Variants in TPD52 observed in about 807,000 individuals in gnomAD.
TPD52 encodes the protein prostate and colon associated protein.
Under a neutral mutation model 31.3 loss-of-function variants are expected in TPD52, and 17 were observed. The ratio of observed to expected loss-of-function variants is 0.54; its 90% confidence interval spans 0.37 to 0.82. TPD52 has a LOEUF of 0.82. Among genes scored for constraint, TPD52 ranks in the 40% least tolerant of loss-of-function variants. The pLI, the probability that TPD52 is intolerant of heterozygous loss-of-function variation, is 0.00. For missense variants in TPD52, 212 were observed against 240.1 expected (o/e 0.88, Z 0.77); for synonymous variants, 83 against 89.6 (o/e 0.93, Z 0.42).
intron 1 of TPD52, among the ~76,000 whole-genome samples, chr8:80,092,789 A>T (rs9969638): frequency 0.54 from 80,841 of 150,282 alleles, 21,772 homozygotes; most frequent in East Asian, 0.71. Flanking sequence ...AAAAAAAAAA[A>T]GATCACATAA....
intron 7 of TPD52, 75 bp downstream of exon 7, chr8:80,042,545 A>G (rs1810487900): frequency 6.5e-7 from 1 of 1,550,248 alleles, no homozygotes; most frequent in African/African-American, 1.4e-5. Context: ...ATTAATGTCA[A>G]TGATTTTCGC....
chr8:80,082,044 G>C (rs111348478), intron 1 of TPD52, among the ~76,000 whole-genome samples: 5,147 of 151,940 alleles, frequency 0.034, 263 homozygotes, highest in African/African-American at 0.12. Flanking sequence ...CTGACCTCAG[G>C]TGATCCGCCT....
chr8:80,071,056 A>C (rs73691142), intron 1 of TPD52, among the ~76,000 whole-genome samples: 146 of 152,346 alleles, frequency 9.6e-4, no homozygotes, highest in African/African-American at 3.4e-3. Flanking sequence ...ACATCACTAC[A>C]GAACAAGGAA....
intron 1 of TPD52, among the ~76,000 whole-genome samples, chr8:80,159,962 A>G (rs1563670300): frequency 6.6e-6 from 1 of 152,150 alleles, no homozygotes; most frequent in Admixed American, 6.6e-5. Flanking sequence ...AGGCCGAGGG[A>G]GGAGGATCAC....
intron 5 of TPD52, among the ~76,000 whole-genome samples, chr8:80,045,239 C>T (rs1810726132): frequency 6.6e-6 from 1 of 152,016 alleles, no homozygotes; most frequent in African/African-American, 2.4e-5. Flanking sequence ...TTGGATCTAT[C>T]AAAGTGTGCT....
At chr8:80,104,512 G>T (rs927099429) in intron 1 of TPD52, among the ~76,000 whole-genome samples, 4 of 151,660 alleles carry the variant, frequency 2.6e-5, no homozygotes, top group Admixed American at 1.3e-4. Context: ...ACTCTGGGAG[G>T]CTGAGGAGTT....
At chr8:80,093,950 T>TAC (rs57283025) in intron 1 of TPD52, among the ~76,000 whole-genome samples, 1 of 27,640 alleles carries the variant, frequency 3.6e-5, no homozygotes, top group African/African-American at 2.2e-4. Flanking sequence ...GCTTCAAAAC[T>TAC]TTCTTTGCCT....
intron 1 of TPD52, among the ~76,000 whole-genome samples, chr8:80,074,344 G>C (rs781363548): frequency 6.6e-6 from 1 of 152,208 alleles, no homozygotes; most frequent in Non-Finnish European, 1.5e-5. Context: ...TTTTCCCCAT[G>C]TTAAGTCTGT....
intron 1 of TPD52, among the ~76,000 whole-genome samples, chr8:80,105,511 T>C (rs1807038014): frequency 6.6e-6 from 1 of 152,066 alleles, no homozygotes; most frequent in African/African-American, 2.4e-5. Flanking sequence ...CCCTTAGAGT[T>C]GTAAGCCCTT....
chr8:80,046,675 G>C (rs906964740), intron 5 of TPD52, among the ~76,000 whole-genome samples: 2 of 151,906 alleles, frequency 1.3e-5, no homozygotes, highest in African/African-American at 4.8e-5. Context: ...CATCTTATTT[G>C]TAACCCCCAA....
At chr8:80,084,332 G>A (rs1815565930) in intron 1 of TPD52, among the ~76,000 whole-genome samples, 1 of 152,234 alleles carries the variant, frequency 6.6e-6, no homozygotes, top group African/African-American at 2.4e-5. Context: ...CTTGTTCACA[G>A]GGACTGGCCT....
At chr8:80,080,664 A>T in intron 1 of TPD52, 1 of 1,286,476 alleles carries the variant, frequency 7.8e-7, no homozygotes, top group Non-Finnish European at 9.8e-7. Context: ...TTAATAAATG[A>T]TTTATCCTGA....
At chr8:80,159,808 T>C (rs138372659) in intron 1 of TPD52, among the ~76,000 whole-genome samples, 1 of 152,354 alleles carries the variant, frequency 6.6e-6, no homozygotes, top group East Asian at 1.9e-4. Context: ...GAAGCTCTGT[T>C]ACTTCCGATT....
chr8:80,056,581 C>T (rs545499894), intron 2 of TPD52, among the ~76,000 whole-genome samples: 15 of 152,116 alleles, frequency 9.9e-5, no homozygotes, highest in African/African-American at 3.1e-4. Context: ...ATACAAATGA[C>T]CAATAAGCAC....
chr8:80,064,443 G>A, intron 2 of TPD52, 35 bp downstream of exon 2: 1 of 1,509,446 alleles, frequency 6.6e-7, no homozygotes, highest in South Asian at 1.1e-5. Flanking sequence ...CATTTTAAGT[G>A]CAAAAATAAA....
chr8:80,085,829 T>A (rs899097570), intron 1 of TPD52, among the ~76,000 whole-genome samples: 1 of 152,154 alleles, frequency 6.6e-6, no homozygotes, highest in Admixed American at 6.5e-5. Flanking sequence ...TCTCCACAGA[T>A]TAACTAGCTG....
chr8:80,045,753 G>T (rs1227404374), intron 5 of TPD52, among the ~76,000 whole-genome samples: 1 of 152,162 alleles, frequency 6.6e-6, no homozygotes, highest in African/African-American at 2.4e-5. Flanking sequence ...GTGGAGCCTG[G>T]CCTTGCTTTC....
Position 80,038,186 on chromosome 8 carries a change from A to C in TPD52, c.554T>G (p.Leu185Trp). The C allele has an allele frequency of 2.5e-6, 4 of 1,614,160 alleles. No individual in the cohort carries two copies. Among genetic ancestry groups the C allele is most frequent in the Non-Finnish European group, 2.5e-6 (3 of 1,180,004 alleles). ...KPAGGDFGEV[L>W]NSAANASATT... ...GGCACTAGCATTTGCAGCCGAATTCAAGACTTCTCCAAAATCACCACCAGC... is the reference window on the plus strand; with the variant it reads ...GGCACTAGCATTTGCAGCCGAATTCCAGACTTCTCCAAAATCACCACCAGC... The change falls in exon 8 of 8, where the codon TTG becomes TGG. Residue 185 changes from leucine to tryptophan, a missense_variant. By Grantham distance (61) the Leu-to-Trp change is moderately conservative. Coordinates refer to ENST00000518937, the MANE Select transcript of TPD52 (RefSeq NM_001025253.3).
chr8:80,131,494 T>C (rs183830058), intron 1 of TPD52, among the ~76,000 whole-genome samples: 34 of 152,264 alleles, frequency 2.2e-4, no homozygotes, highest in Non-Finnish European at 4.0e-4. Flanking sequence ...TGTCTTCCAA[T>C]CCCTCCACTC....
Sources: gnomAD v4.1 joint callset for allele counts (sites outside exome capture counted in the v4.1 genomes callset) on GRCh38, gnomAD v4.1.1 for gene constraint, MANE v1.5 for transcripts, NCBI Gene and HGNC (gene_info 2026-07-23, HGNC 2026-07-21) for gene names.